The following RALGAPA1 variants were observed in gnomAD, a reference collection of about 807,000 sequenced individuals.
The protein encoded by RALGAPA1 is ral GTPase-activating protein subunit alpha-1.
Under a neutral mutation model 269.6 loss-of-function variants are expected in RALGAPA1, and 52 were observed. That is an observed-to-expected ratio of 0.19 (90% CI 0.15 to 0.24). The LOEUF (loss-of-function observed/expected upper bound fraction) is 0.24, where lower values mean the gene tolerates loss of function less well. Among genes scored for constraint, RALGAPA1 ranks in the 10% least tolerant of loss-of-function variants. RALGAPA1 has a pLI of 1.00. For synonymous variants in RALGAPA1, 817 were observed against 1,008.3 expected (o/e 0.81, Z 3.60); for missense variants, 1,917 against 3,013.9 (o/e 0.64, Z 8.52).
Position 35,808,883 on chromosome 14 carries a change from G to T in RALGAPA1, c.-48C>A, listed in dbSNP as rs952778753. 6.3e-6 allele frequency: 10 copies of T among 1,578,062 alleles called. No homozygotes were observed. Among genetic ancestry groups the T allele is most frequent in the Non-Finnish European group, 7.7e-6 (9 of 1,162,398 alleles). ...CCACTGCCACAGCCGGCTCCCAGCC[G>T]GGTCCCGGCGGCAGAAAGTGGAGGG... On this transcript the variant is annotated 5_prime_UTR_variant, in exon 1 of 42. Coordinates refer to ENST00000680220, the MANE Select transcript of RALGAPA1 (RefSeq NM_001346249.2).
intron 26 of RALGAPA1, among the ~76,000 whole-genome samples, chr14:35,666,302 C>T (rs2063931379): frequency 6.6e-6 from 1 of 152,134 alleles, no homozygotes; most frequent in African/African-American, 2.4e-5. Flanking sequence ...CCACTGGCAA[C>T]TGTATAGTCA....
At chr14:35,671,361 A>G in intron 26 of RALGAPA1, 28 bp downstream of exon 26, 1 of 1,556,476 alleles carries the variant, frequency 6.4e-7, no homozygotes, top group Non-Finnish European at 8.7e-7. Context: ...AAAGTTTGTT[A>G]TATGATAAGG....
intron 33 of RALGAPA1, among the ~76,000 whole-genome samples, chr14:35,628,504 C>T (rs907890646): frequency 6.6e-6 from 1 of 152,136 alleles, no homozygotes; most frequent in African/African-American, 2.4e-5. Flanking sequence ...AAAACAAAAA[C>T]ATAATGAAAT....
chr14:35,744,302 T>C (rs759514165), intron 10 of RALGAPA1, among the ~76,000 whole-genome samples: 7 of 147,906 alleles, frequency 4.7e-5, no homozygotes, highest in East Asian at 2.0e-4. Flanking sequence ...ACCCGAGAGA[T>C]GGAAGTTGCG....
At chr14:35,793,148 T>C (rs780863676) in intron 1 of RALGAPA1, among the ~76,000 whole-genome samples, 1 of 152,174 alleles carries the variant, frequency 6.6e-6, no homozygotes, top group Non-Finnish European at 1.5e-5. Context: ...GAAAGTTTCT[T>C]GTCTTAGTAA....
chr14:35,642,344 T>C (rs1258087646), intron 31 of RALGAPA1, among the ~76,000 whole-genome samples: 1 of 152,026 alleles, frequency 6.6e-6, no homozygotes, highest in Non-Finnish European at 1.5e-5. Context: ...CAAAATAATA[T>C]GACAAGCTAT....
intron 41 of RALGAPA1, chr14:35,541,679 G>A (rs1292725356): frequency 2.0e-5 from 9 of 455,818 alleles, no homozygotes; most frequent in Non-Finnish European, 4.0e-5. Flanking sequence ...AGTAGCTCAT[G>A]CTTTTCTGGT....
chr14:35,676,757 A>G (rs2064987668), intron 22 of RALGAPA1: 1 of 152,200 alleles, frequency 6.6e-6, no homozygotes, highest in South Asian at 2.1e-4. Context: ...GCAAAAATAA[A>G]AGGTTAGGGA....
rs2139732260 is a variant in RALGAPA1 at position 35,634,749 on chromosome 14, A to G, written c.5820T>C (p.His1940=). ...AACACTGAGCTCCATAAACACACCC[A>G]TGTAAAACCTGAAAATACAGGGGGA... ...SVLNCIYKVL[H]GCVYGAQCFS... is the part of the protein sequence containing the mutation. Residue 1940 remains histidine (H), a synonymous_variant, in exon 33 of 42, where the codon CAT becomes CAC. Transcript: ENST00000680220. 1 of 1,599,060 alleles carries G rather than the reference A, an allele frequency of 6.3e-7. No individual in the cohort carries two copies. The highest frequency in any genetic ancestry group is 2.2e-5 in the East Asian group (1 of 44,530).
At chr14:35,734,368 T>C (rs1019678828) in intron 12 of RALGAPA1, among the ~76,000 whole-genome samples, 4 of 151,990 alleles carry the variant, frequency 2.6e-5, no homozygotes. Context: ...CAGAGACCAA[T>C]GAAACAGAAT....
intron 12 of RALGAPA1, among the ~76,000 whole-genome samples, chr14:35,733,614 A>G (rs1208019545): frequency 6.6e-6 from 1 of 152,172 alleles, no homozygotes; most frequent in Non-Finnish European, 1.5e-5. Context: ...ACCTACATCA[A>G]AAAGACTGAA....
chr14:35,581,932 A>T (rs569959662), intron 37 of RALGAPA1, among the ~76,000 whole-genome samples: 2 of 152,344 alleles, frequency 1.3e-5, no homozygotes, highest in Non-Finnish European at 2.9e-5. Flanking sequence ...TTGTATGCCA[A>T]TGTTCACTGC....
rs1345909262 is a variant in RALGAPA1 at position 35,721,679 on chromosome 14, A to G, written c.2266+9T>C. 2 of 1,610,702 alleles carry G rather than the reference A, an allele frequency of 1.2e-6. No homozygotes were observed. The highest frequency in any genetic ancestry group is 1.7e-6 in the Non-Finnish European group (2 of 1,178,834). The stretch of plus-strand genomic sequence containing the variant: ...CTGTACCATTCTCATGATTTTCAAG[A>G]GTACATACCGACAGTTTTTTGCCGT... On this transcript the variant is annotated intron_variant, in intron 16 of 41. Transcript: ENST00000680220.
intron 17 of RALGAPA1, 138 bp from the exon 18 acceptor site, chr14:35,690,141 A>G: frequency 1.6e-6 from 1 of 617,272 alleles, no homozygotes; most frequent in Non-Finnish European, 2.6e-6. Context: ...AAATCAAAAT[A>G]CAAATCTGCT....
chr14:35,701,909 A>C (rs1321298026), intron 16 of RALGAPA1, among the ~76,000 whole-genome samples: 1 of 152,212 alleles, frequency 6.6e-6, no homozygotes, highest in Non-Finnish European at 1.5e-5. Context: ...TTGGTCTCCC[A>C]AAGTACTGAG....
chr14:35,705,839 T>G (rs1374628206), intron 16 of RALGAPA1, among the ~76,000 whole-genome samples: 1 of 152,220 alleles, frequency 6.6e-6, no homozygotes. Context: ...TTTTGGATTT[T>G]AGCCATTCTT....
chr14:35,653,700 G>C (rs573296409), intron 30 of RALGAPA1, among the ~76,000 whole-genome samples: 2 of 151,980 alleles, frequency 1.3e-5, no homozygotes, highest in South Asian at 4.2e-4. Flanking sequence ...AAATGTGAAT[G>C]ATGACTTTAA....
chr14:35,730,991 T>G (rs1218352445), intron 12 of RALGAPA1, among the ~76,000 whole-genome samples: 2 of 152,234 alleles, frequency 1.3e-5, no homozygotes, highest in Non-Finnish European at 2.9e-5. Flanking sequence ...TTTCACCTGC[T>G]GCCACCTCCA....
intron 21 of RALGAPA1, among the ~76,000 whole-genome samples, chr14:35,678,482 A>G (rs78627141): frequency 1.8e-4 from 27 of 152,276 alleles, no homozygotes; most frequent in African/African-American, 6.5e-4. Flanking sequence ...CTGCTGCTCT[A>G]TATGCAACTA....
Sources: allele counts gnomAD v4.1 joint callset (sites outside exome capture counted in the v4.1 genomes callset), GRCh38; gene constraint gnomAD v4.1.1; transcripts MANE v1.5; gene names NCBI Gene and HGNC (gene_info 2026-07-23, HGNC 2026-07-21).